The following LRP1 variants were observed in gnomAD, a reference collection of about 807,000 sequenced individuals.
LRP1 encodes the protein prolow-density lipoprotein receptor-related protein 1.
Under a neutral mutation model 541.5 loss-of-function variants are expected in LRP1, and 51 were observed. The ratio of observed to expected loss-of-function variants is 0.09; its 90% CI spans 0.08 to 0.12. LRP1 has a LOEUF of 0.12. Among genes scored for constraint, LRP1 ranks in the 10% least tolerant of loss-of-function variants. The probability of loss-of-function intolerance (pLI) is 1.00; values close to 1 mark genes in which losing one functional copy is unlikely to be tolerated. For missense variants in LRP1, 3,878 were observed against 6,376.2 expected (o/e 0.61, Z 13.34); for synonymous variants, 2,219 against 2,470.8 (o/e 0.90, Z 3.02).
At position 57,178,690 on chromosome 12, in the gene LRP1, T is replaced by G; in HGVS notation, c.4606+87T>G. 3 of 1,584,142 alleles carry G rather than the reference T, an allele frequency of 1.9e-6. No individual in the cohort carries two copies. Among genetic ancestry groups the G allele is most frequent in the Non-Finnish European group, 1.7e-6 (2 of 1,163,002 alleles). ...AAGCTCTTAGGAGAGGAGAGGGCAGTGAGAACAGGAGCAAGTCTGTGCTGG... is the reference window on the plus strand; with the variant it reads ...AAGCTCTTAGGAGAGGAGAGGGCAGGGAGAACAGGAGCAAGTCTGTGCTGG... On this transcript the variant is annotated intron_variant, in intron 27 of 88. Transcript: ENST00000243077. This position sits in a 1 kb window ranked among gnomAD's most constrained non-coding sequence, Gnocchi z 5.8.
intron 20 of LRP1, among the ~76,000 whole-genome samples, chr12:57,170,611 G>A (rs1379466723): frequency 6.6e-6 from 1 of 152,100 alleles, no homozygotes; most frequent in Non-Finnish European, 1.5e-5. Flanking sequence ...TTGTTTCCAG[G>A]AGTTTAAGAC....
chr12:57,142,954 C>T (rs970629175), intron 3 of LRP1, among the ~76,000 whole-genome samples: 2 of 152,044 alleles, frequency 1.3e-5, no homozygotes, highest in Non-Finnish European at 2.9e-5. Context: ...GGGTGTGAGG[C>T]CGCTGGACAA....
chr12:57,149,033 G>A, intron 6 of LRP1: 1 of 653,560 alleles, frequency 1.5e-6, no homozygotes, highest in East Asian at 2.9e-5. Flanking sequence ...TTGTCTAGAG[G>A]GGAGGCAAAG....
chr12:57,191,477 T>C lies in LRP1; in HGVS notation c.7394T>C (p.Met2465Thr). 6.2e-7 allele frequency: 1 copy of C among 1,603,708 alleles called. No homozygotes were observed. The highest frequency in any genetic ancestry group is 8.5e-7 in the Non-Finnish European group (1 of 1,172,250). The change falls in exon 44 of 89, where the codon ATG (methionine) becomes ACG (threonine). Residue 2465 changes from methionine (M) to threonine (T), a missense_variant. Coordinates refer to ENST00000243077, the MANE Select transcript of LRP1 (RefSeq NM_002332.3). ...CGCGTGGACATCCCCCAGCAGCCCA[T>C]GGGCATCATCGCCGTGGCCAACGAC... ...LLRVDIPQQP[M>T]GIIAVANDTN...
chr12:57,184,545 C>G lies in LRP1; in HGVS notation c.6186+93C>G, dbSNP rs1302038858. 5.9e-6 allele frequency: 9 copies of G among 1,537,442 alleles called. No homozygotes were observed. Among genetic ancestry groups the G allele is most frequent in the Non-Finnish European group, 7.9e-6 (9 of 1,137,040 alleles). On this transcript the variant is annotated intron_variant, in intron 38 of 88. Coordinates refer to ENST00000243077, the MANE Select transcript of LRP1 (RefSeq NM_002332.3). The surrounding 1 kb of genome is among the most constrained non-coding windows in gnomAD (Gnocchi z 7.8). ...GAGCCCATTCTGGGAGGACTTGGAG[C>G]CCAGGGGAAGTCACAGGGTCTCCCA...
chr12:57,203,234 G>A lies in LRP1; in HGVS notation c.10765G>A (p.Ala3589Thr), dbSNP rs776806646. The change falls in exon 69 of 89, where the codon GCG (alanine) becomes ACG (threonine). Residue 3589 changes from alanine to threonine, a missense_variant. By Grantham distance (58) the Ala-to-Thr change is moderately conservative. This residue lies in a region of LRP1 where 278 missense variants were observed against 536.3 expected (regional missense o/e 0.52). Transcript: ENST00000243077. ...CTCCTGTGCCAACGGCCGCTGCATC[G>A]CGGGGCGCTGGAAATGCGATGGAGA... ...EFSCANGRCI[A>T]GRWKCDGDHD... 1.2e-6 allele frequency: 2 copies of A among 1,611,124 alleles called. No individual in the cohort carries two copies. The highest frequency in any genetic ancestry group is 1.7e-6 in the Non-Finnish European group (2 of 1,178,756).
In LRP1 at chr12:57,195,324, G is replaced by C; in HGVS notation, c.8362G>C (p.Val2788Leu). The change falls in exon 52 of 89, where the codon GTC (valine) becomes CTC (leucine). Residue 2788 changes from valine to leucine, a missense_variant. By Grantham distance (32) the Val-to-Leu change is conservative. Coordinates refer to ENST00000243077, the MANE Select transcript of LRP1 (RefSeq NM_002332.3). ...CTCCTGCCCTGGCACCCACGTGTGC[G>C]TCCCCGAGCGCTGGCTCTGTGACGG... Reference protein sequence around the residue: ...SFSCPGTHVCVPERWLCDGDK... With the variant: ...SFSCPGTHVCLPERWLCDGDK... 2.5e-6 allele frequency: 4 copies of C among 1,613,332 alleles called. No individual in the cohort carries two copies. Among genetic ancestry groups the C allele is most frequent in the Non-Finnish European group, 2.5e-6 (3 of 1,180,020 alleles).
In LRP1 at chr12:57,196,212, G is replaced by A. The variant is rs1194945275; in HGVS notation, c.8827G>A (p.Glu2943Lys). 6.2e-7 allele frequency: 1 copy of A among 1,612,468 alleles called. No individual in the cohort carries two copies. Among genetic ancestry groups the A allele is most frequent in the Non-Finnish European group, 8.5e-7 (1 of 1,179,234 alleles). ...GGACGAGCGTGGCTGCCACATCAAT[G>A]AGTGTCTCAGCCGCAAGCTCAGTGG... is the stretch of plus-strand genomic sequence containing the variant. ...SSDERGCHIN[E>K]CLSRKLSGCS... Residue 2943 changes from glutamate to lysine, a missense_variant, in exon 55 of 89, where the codon GAG becomes AAG. Physicochemically the swap from Glu to Lys is moderately conservative, Grantham distance 56. This residue lies in a region of LRP1 where 1,100 missense variants were observed against 1,827.4 expected (regional missense o/e 0.60). Coordinates refer to ENST00000243077, the MANE Select transcript of LRP1 (RefSeq NM_002332.3).
chr12:57,194,569 C>G lies in LRP1; in HGVS notation c.8069-8C>G, dbSNP rs750088743. Reference sequence around the variant, plus strand: ...GAGCAGGGCCCTCACACCTGCCTCGCCCCCCAGGTGTGAAACGCCCCAGAT... The same window carrying G: ...GAGCAGGGCCCTCACACCTGCCTCGGCCCCCAGGTGTGAAACGCCCCAGAT... On this transcript the variant is annotated splice_polypyrimidine_tract_variant and splice_region_variant and intron_variant, in intron 49 of 88. Coordinates refer to ENST00000243077, the MANE Select transcript of LRP1 (RefSeq NM_002332.3). The G allele has an allele frequency of 6.2e-7, 1 of 1,612,386 alleles. No homozygotes were observed. Among genetic ancestry groups the G allele is most frequent in the Admixed American group, 1.7e-5 (1 of 59,940 alleles).
At position 57,205,528 on chromosome 12, in the gene LRP1, G is replaced by A. The variant is rs1015836758; in HGVS notation, c.11471-30G>A. The A allele has an allele frequency of 3.0e-5, 48 of 1,613,436 alleles. No individual in the cohort carries two copies. Among genetic ancestry groups the A allele is most frequent in the Non-Finnish European group, 3.7e-5 (44 of 1,179,704 alleles). The stretch of plus-strand genomic sequence containing the variant: ...AGCAGGGGTGGACACCCCAACTGTG[G>A]ACTCTCATGACCCTCCCTGTAACCC... On this transcript the variant is annotated intron_variant, in intron 74 of 88. Transcript: ENST00000243077. The surrounding 1 kb of genome is among the most constrained non-coding windows in gnomAD (Gnocchi z 4.6).
At chr12:57,160,238 C>T (rs908784723) in intron 12 of LRP1, among the ~76,000 whole-genome samples, 2 of 152,152 alleles carry the variant, frequency 1.3e-5, no homozygotes, top group African/African-American at 4.8e-5. Context: ...TCCACCAGCT[C>T]CCCTTACCCT....
intron 60 of LRP1, 143 bp downstream of exon 60, chr12:57,198,813 G>T: frequency 2.3e-6 from 2 of 861,500 alleles, no homozygotes; most frequent in South Asian, 1.6e-5. Flanking sequence ...CTGGGGTGTG[G>T]GGTTCAGAGC....
Position 57,185,233 on chromosome 12 carries a change from G to C in LRP1, c.6463+28G>C, listed in dbSNP as rs567942623. The C allele has an allele frequency of 1.2e-6, 2 of 1,613,162 alleles. No homozygotes were observed. The highest frequency in any genetic ancestry group is 2.2e-5 in the East Asian group (1 of 44,872). ...GAGGCTGGGGCTCTGGGCTGGGGTG[G>C]AGAGGTGAGGGGGACTCTGGCCTGG... On this transcript the variant is annotated intron_variant, in intron 40 of 88. Transcript: ENST00000243077. The surrounding 1 kb of genome is among the most constrained non-coding windows in gnomAD (Gnocchi z 4.9).
rs1299589828 is a variant in LRP1, at chr12:57,204,748, T to C, written c.11193T>C (p.Cys3731=). 3 of 1,613,620 alleles carry C rather than the reference T, an allele frequency of 1.9e-6. No homozygotes were observed. The highest frequency in any genetic ancestry group is 2.5e-6 in the Non-Finnish European group (3 of 1,179,940). The part of the protein sequence containing the change: ...NCGDGTDEED[C]EPPTAHTTHC... ...GGGATGGGACTGATGAAGAGGACTG[T>C]GGTGAGCAGGGGGCCGACGAGAGGC... The change falls in exon 72 of 89, where the codon TGT becomes TGC. Residue 3731 remains cysteine (C), a splice_region_variant and synonymous_variant. Transcript: ENST00000243077. The surrounding 1 kb of genome is among the most constrained non-coding windows in gnomAD (Gnocchi z 5.3).
intron 1 of LRP1, among the ~76,000 whole-genome samples, chr12:57,132,610 GCTGT>G (rs775269595): frequency 5.5e-4 from 84 of 151,828 alleles, no homozygotes; most frequent in African/African-American, 1.6e-3. Flanking sequence ...GGCTTTTCTG[GCTGT>G]CTGTCTGTCT....
intron 31 of LRP1, 52 bp downstream of exon 31, chr12:57,180,193 C>A: frequency 6.3e-7 from 1 of 1,583,800 alleles, no homozygotes; most frequent in Non-Finnish European, 8.7e-7. Flanking sequence ...CCTTGACCAG[C>A]AGGTGCTTGC....
chr12:57,178,776 T>C lies in LRP1; in HGVS notation c.4607-114T>C. On this transcript the variant is annotated intron_variant, in intron 27 of 88. Coordinates refer to ENST00000243077, the MANE Select transcript of LRP1 (RefSeq NM_002332.3). This position sits in a 1 kb window ranked among gnomAD's most constrained non-coding sequence, Gnocchi z 5.8. The stretch of plus-strand genomic sequence containing the variant: ...TGTCTAGCAGCAGAGAAGGGTCTAG[T>C]AGTAGCGGCTGCTGGAACAGGGGGA... 1.3e-6 allele frequency: 2 copies of C among 1,505,912 alleles called. No individual in the cohort carries two copies. The highest frequency in any genetic ancestry group is 1.8e-6 in the Non-Finnish European group (2 of 1,116,182). 93.3% of individuals were successfully genotyped at this position (1,505,912 alleles called of 1,614,324 possible).
In LRP1 at chr12:57,185,593, G is replaced by A. The variant is rs2036253663; in HGVS notation, c.6526G>A (p.Gly2176Arg). The A allele has an allele frequency of 6.2e-7, 1 of 1,606,708 alleles. No individual in the cohort carries two copies. Among genetic ancestry groups the A allele is most frequent in the African/African-American group, 1.3e-5 (1 of 75,010 alleles). Residue 2176 changes from glycine (G) to arginine (R), a missense_variant, in exon 41 of 89, where the codon GGG becomes AGG. By Grantham distance (125) the Gly-to-Arg change is moderately radical (BLOSUM62 -2). This residue lies in a region of LRP1 where 1,100 missense variants were observed against 1,827.4 expected (regional missense o/e 0.60). Transcript: ENST00000243077. This position sits in a 1 kb window ranked among gnomAD's most constrained non-coding sequence, Gnocchi z 4.9. The part of the protein sequence containing the change: ...CQQLCLYRGR[G>R]QRACACAHGM... ...GCAGCTGTGCCTGTACCGGGGCCGT[G>A]GGCAGCGGGCCTGCGCCTGTGCCCA... is the stretch of plus-strand genomic sequence containing the variant.
intron 20 of LRP1, 134 bp downstream of exon 20, chr12:57,169,441 C>T (rs183598521): frequency 3.0e-4 from 250 of 845,392 alleles, no homozygotes; most frequent in Non-Finnish European, 4.0e-4. Flanking sequence ...AGGCATGGCT[C>T]TTGTCCTTCA....
Sources: gnomAD v4.1 joint callset for allele counts (sites outside exome capture counted in the v4.1 genomes callset) on GRCh38, gnomAD v4.1.1 for gene constraint, gnomAD v4.1.1 regional missense constraint, Gnocchi (gnomAD v3.1) non-coding constraint, MANE v1.5 for transcripts, NCBI Gene and HGNC (gene_info 2026-07-23, HGNC 2026-07-21) for gene names.